The following IGF1 variants were observed in gnomAD, a reference collection of about 807,000 sequenced individuals.
The protein encoded by IGF1 is insulin-like growth factor 1.
A neutral mutation model predicts 13.8 loss-of-function variants in IGF1; 4 were observed. The ratio of observed to expected loss-of-function variants is 0.29; its 90% CI spans 0.14 to 0.66. The LOEUF (loss-of-function observed/expected upper bound fraction) is 0.66. Ranked by LOEUF, IGF1 falls within the 30% of genes least tolerant of loss-of-function variation. IGF1 has a pLI of 0.78. For missense variants in IGF1, 124 were observed against 188.5 expected, an observed-to-expected ratio of 0.66 and a Z score of 2.00; for synonymous variants, 76 against 72.6, an observed-to-expected ratio of 1.05 and a Z score of -0.23.
At chr12:102,456,868 A>G (rs1274165801) in intron 2 of IGF1, among the ~76,000 whole-genome samples, 1 of 152,152 alleles carries the variant, frequency 6.6e-6, no homozygotes, top group Non-Finnish European at 1.5e-5. Flanking sequence ...CAACTTCAGG[A>G]TGTACTCTAG....
intron 1 of IGF1, among the ~76,000 whole-genome samples, chr12:102,477,798 G>A (rs1881153880): frequency 6.6e-6 from 1 of 152,016 alleles, no homozygotes; most frequent in South Asian, 2.1e-4. Context: ...TGCAACTGTA[G>A]ATGCCTTCAA....
At chr12:102,463,864 G>A (rs61935424) in intron 2 of IGF1, among the ~76,000 whole-genome samples, 99 of 152,316 alleles carry the variant, frequency 6.5e-4, no homozygotes, top group Non-Finnish European at 1.2e-3. Flanking sequence ...CAGCTTTTCC[G>A]ACCAACTTTT....
chr12:102,474,102 T>C (rs1420081389), intron 2 of IGF1, among the ~76,000 whole-genome samples: 1 of 152,176 alleles, frequency 6.6e-6, no homozygotes, highest in Non-Finnish European at 1.5e-5. Context: ...TTCATTTCTT[T>C]AAAAAATGAG....
At chr12:102,480,292 T>C in intron 1 of IGF1, 27 bp downstream of exon 1, 1 of 1,602,498 alleles carries the variant, frequency 6.2e-7, no homozygotes, top group Non-Finnish European at 8.5e-7. Context: ...AATTCCCCAA[T>C]GACTTCAAAG....
intron 2 of IGF1, among the ~76,000 whole-genome samples, chr12:102,469,065 C>A (rs185762450): frequency 6.6e-6 from 1 of 152,282 alleles, no homozygotes; most frequent in Admixed American, 6.5e-5. Flanking sequence ...CCCCTACCAG[C>A]CACTGGAGAT....
At chr12:102,430,861 C>T (rs545714694) in intron 2 of IGF1, among the ~76,000 whole-genome samples, 1 of 152,360 alleles carries the variant, frequency 6.6e-6, no homozygotes, top group East Asian at 1.9e-4. Flanking sequence ...CTCAGTTGGA[C>T]TCTGAGCCAT....
chr12:102,450,596 G>T (rs757485382), intron 2 of IGF1, among the ~76,000 whole-genome samples: 1 of 152,212 alleles, frequency 6.6e-6, no homozygotes, highest in Admixed American at 6.5e-5. Context: ...ATCTGGAGAT[G>T]ATTATTATTA....
chr12:102,428,051 T>C (rs1488191016), intron 2 of IGF1, among the ~76,000 whole-genome samples: 1 of 151,474 alleles, frequency 6.6e-6, no homozygotes, highest in Non-Finnish European at 1.5e-5. Context: ...ATATGGTATA[T>C]TGAAAACAAC....
chr12:102,432,488 A>C (rs1239219275), intron 2 of IGF1, among the ~76,000 whole-genome samples: 1 of 152,196 alleles, frequency 6.6e-6, no homozygotes, highest in African/African-American at 2.4e-5. Context: ...TTGCATAAGG[A>C]CCAGAGGAAT....
chr12:102,437,701 A>G (rs887650189), intron 2 of IGF1, among the ~76,000 whole-genome samples: 1 of 152,224 alleles, frequency 6.6e-6, no homozygotes, highest in African/African-American at 2.4e-5. Context: ...CTGGTGTTCT[A>G]TTGCACAATA....
At chr12:102,435,488 G>A (rs1403112210) in intron 2 of IGF1, among the ~76,000 whole-genome samples, 1 of 152,190 alleles carries the variant, frequency 6.6e-6, no homozygotes, top group East Asian at 1.9e-4. Flanking sequence ...GCTAATTCCA[G>A]AGAGTGCCTG....
intron 3 of IGF1, among the ~76,000 whole-genome samples, chr12:102,404,151 T>C (rs1345458133): frequency 3.3e-5 from 5 of 152,200 alleles, no homozygotes; most frequent in African/African-American, 7.2e-5. Flanking sequence ...TGGATAATTA[T>C]TGGTATACAG....
At chr12:102,428,870 C>CATAT (rs994452352) in intron 2 of IGF1, among the ~76,000 whole-genome samples, 7 of 152,150 alleles carry the variant, frequency 4.6e-5, no homozygotes, top group African/African-American at 1.4e-4. Flanking sequence ...TGGACAGATG[C>CATAT]ATAGTTTCCT....
chr12:102,421,162 G>T (rs1875680288), intron 2 of IGF1, among the ~76,000 whole-genome samples: 1 of 152,116 alleles, frequency 6.6e-6, no homozygotes, highest in Non-Finnish European at 1.5e-5. Flanking sequence ...TGTAAGGCAG[G>T]TTTATTGTCA....
intron 2 of IGF1, among the ~76,000 whole-genome samples, chr12:102,474,529 A>C (rs1284106143): frequency 6.6e-6 from 1 of 152,150 alleles, no homozygotes; most frequent in Non-Finnish European, 1.5e-5. Context: ...TGCCAGTCAT[A>C]CACACACATA....
intron 2 of IGF1, among the ~76,000 whole-genome samples, chr12:102,433,476 A>G (rs1289527248): frequency 6.6e-6 from 1 of 152,216 alleles, no homozygotes. Flanking sequence ...TCAGGCCCCC[A>G]TGAGAATTCT....
chr12:102,456,337 A>G lies in IGF1; in HGVS notation c.220+19306T>C, dbSNP rs373123740. ...ACGCACTTCAAAGACTAAACTGGAC[A>G]TAAATTCAAACGAGAAGAAAGTCTT... On this transcript the variant is annotated intron_variant, in intron 2 of 3. Coordinates refer to ENST00000337514, the MANE Select transcript of IGF1 (RefSeq NM_000618.5). Among the ~76,000 whole-genome samples the G allele has an allele frequency of 1.1e-4, 16 of 152,228 alleles. 1 individual carries two copies. The highest frequency in any genetic ancestry group is 1.3e-4 in the Admixed American group (2 of 15,284).
Position 102,475,624 on chromosome 12 carries a change from G to A in IGF1, c.220+19C>T. 1.2e-6 allele frequency: 2 copies of A among 1,613,780 alleles called. No homozygotes were observed. Among genetic ancestry groups the A allele is most frequent in the Non-Finnish European group, 1.7e-6 (2 of 1,179,792 alleles). ...ACACTTTAGACTTGAGCAGCACATT[G>A]AGAGGGAGGGCTACTTACTGAAATA... On this transcript the variant is annotated intron_variant, in intron 2 of 3. Coordinates refer to ENST00000337514, the MANE Select transcript of IGF1 (RefSeq NM_000618.5).
At chr12:102,481,347 C>CTGTGTGTG (rs3033407), upstream of IGF1, among the ~76,000 whole-genome samples, 139 of 140,368 alleles carry the variant, frequency 9.9e-4, no homozygotes, top group African/African-American at 3.4e-3. Context: ...TAACTCAAAC[C>CTGTGTGTG]TGTGTGTGTG....
Sources: allele counts gnomAD v4.1 joint callset (sites outside exome capture counted in the v4.1 genomes callset), GRCh38; gene constraint gnomAD v4.1.1; transcripts MANE v1.5; gene names NCBI Gene and HGNC (gene_info 2026-07-23, HGNC 2026-07-21).